The following TMEM132D variants were observed in gnomAD, a reference collection of about 807,000 sequenced individuals.
The protein encoded by TMEM132D is mature OL transmembrane protein.
A neutral mutation model predicts 62.3 loss-of-function variants in TMEM132D; 21 were observed. The ratio of observed to expected loss-of-function variants is 0.34; its 90% CI spans 0.24 to 0.49. The LOEUF (loss-of-function observed/expected upper bound fraction) is 0.49. TMEM132D is among the 20% of genes least tolerant of loss of function. The pLI, the probability that TMEM132D is intolerant of heterozygous loss-of-function variation, is 0.99. For synonymous variants in TMEM132D, 621 were observed against 575.6 expected, an observed-to-expected ratio of 1.08 and a Z score of -1.13; for missense variants, 1,346 against 1,402.8, an observed-to-expected ratio of 0.96 and a Z score of 0.65.
At chr12:129,512,637 C>T (rs1191024148) in intron 3 of TMEM132D, among the ~76,000 whole-genome samples, 1 of 152,166 alleles carries the variant, frequency 6.6e-6, no homozygotes, top group African/African-American at 2.4e-5. Context: ...TGATGTTGGC[C>T]AGGACCGTGA....
intron 2 of TMEM132D, among the ~76,000 whole-genome samples, chr12:129,542,423 C>T (rs549951765): frequency 8.3e-4 from 126 of 152,098 alleles, no homozygotes; most frequent in African/African-American, 2.9e-3. Flanking sequence ...GGTTAATAAA[C>T]GTAAATTCTC....
Position 129,759,893 on chromosome 12 carries a change from G to A in TMEM132D, c.80-59195C>T, listed in dbSNP as rs141857698. 4.7e-3 allele frequency among the ~76,000 whole-genome samples: 714 copies of A among 150,500 alleles called. 8 individuals carry two copies. The highest frequency in any genetic ancestry group is 0.016 in the African/African-American group (662 of 41,144). On this transcript the variant is annotated intron_variant, in intron 1 of 8. Coordinates refer to ENST00000422113, the MANE Select transcript of TMEM132D (RefSeq NM_133448.3). ...TAAATATTTGGTGGTGCTGTGGGCC[G>A]TGGATGCCTTCTTATTTGCCTTTTT...
At chr12:129,239,755 G>C (rs1879885265) in intron 4 of TMEM132D, among the ~76,000 whole-genome samples, 3 of 152,178 alleles carry the variant, frequency 2.0e-5, no homozygotes, top group Admixed American at 6.5e-5. Flanking sequence ...TCTTCCCCTA[G>C]AGTCTTAGGA....
rs539562704 is a variant in TMEM132D, at chr12:129,453,364, C to T, written c.1115+77695G>A. Among the ~76,000 whole-genome samples, 6 of 152,284 alleles carry T rather than the reference C, an allele frequency of 3.9e-5. No homozygotes were observed. In the South Asian group the frequency reaches 8.3e-4, roughly 21 times the overall value. ...TGTCTCTTTGCCTGGAATTCCCTCC[C>T]GCAGGGTCCCATCCTTTCTAAATCC... is the stretch of plus-strand genomic sequence containing the variant. On this transcript the variant is annotated intron_variant, in intron 3 of 8. Transcript: ENST00000422113.
At chr12:129,832,328 T>A (rs1005405169) in intron 1 of TMEM132D, among the ~76,000 whole-genome samples, 2 of 151,666 alleles carry the variant, frequency 1.3e-5, no homozygotes, top group East Asian at 3.9e-4. Flanking sequence ...AGAGGCCACA[T>A]GTGTTTTACA....
At chr12:129,509,514 G>A (rs1875436137) in intron 3 of TMEM132D, among the ~76,000 whole-genome samples, 1 of 152,056 alleles carries the variant, frequency 6.6e-6, no homozygotes, top group South Asian at 2.1e-4. Context: ...AAAATGTACA[G>A]ATAAGTTATT....
intron 1 of TMEM132D, among the ~76,000 whole-genome samples, chr12:129,881,009 T>C (rs1247364098): frequency 6.6e-6 from 1 of 151,906 alleles, no homozygotes; most frequent in East Asian, 1.9e-4. Flanking sequence ...CATTAACTAG[T>C]TAAAAATAAA....
At chr12:129,576,420 A>G (rs1017977325) in intron 2 of TMEM132D, among the ~76,000 whole-genome samples, 2 of 151,844 alleles carry the variant, frequency 1.3e-5, no homozygotes, top group African/African-American at 4.9e-5. Flanking sequence ...ATATGTATAT[A>G]TTTGTATATG....
intron 3 of TMEM132D, among the ~76,000 whole-genome samples, chr12:129,522,117 GTT>G (rs1490711802): frequency 2.6e-5 from 4 of 152,160 alleles, no homozygotes; most frequent in African/African-American, 7.2e-5. Context: ...ACTGATGTCA[GTT>G]AGTCACCAGG....
At chr12:129,560,954 G>A (rs1019485639) in intron 2 of TMEM132D, among the ~76,000 whole-genome samples, 2 of 152,202 alleles carry the variant, frequency 1.3e-5, no homozygotes, top group Non-Finnish European at 2.9e-5. Flanking sequence ...TGATGGAGAA[G>A]TATGAACTAC....
intron 2 of TMEM132D, among the ~76,000 whole-genome samples, chr12:129,536,228 C>T (rs1031126622): frequency 6.6e-6 from 1 of 152,166 alleles, no homozygotes; most frequent in Admixed American, 6.5e-5. Flanking sequence ...ATCTATGGAA[C>T]AATACACAGT....
intron 3 of TMEM132D, among the ~76,000 whole-genome samples, chr12:129,511,233 C>G (rs1191222346): frequency 6.6e-6 from 1 of 152,194 alleles, no homozygotes; most frequent in Non-Finnish European, 1.5e-5. Context: ...CCTTCTGTCA[C>G]TATTGATTGG....
chr12:129,464,355 T>C (rs1207501978), intron 3 of TMEM132D, among the ~76,000 whole-genome samples: 6 of 152,228 alleles, frequency 3.9e-5, no homozygotes, highest in African/African-American at 1.2e-4. Flanking sequence ...AAGTTCATTG[T>C]AGATTCTGGA....
chr12:129,863,309 T>C (rs1462190567), intron 1 of TMEM132D, among the ~76,000 whole-genome samples: 1 of 151,450 alleles, frequency 6.6e-6, no homozygotes, highest in Non-Finnish European at 1.5e-5. Flanking sequence ...GTTTTCCAGA[T>C]GCAAAACCAT....
At chr12:129,749,832 G>T (rs773229762) in intron 1 of TMEM132D, among the ~76,000 whole-genome samples, 1 of 152,056 alleles carries the variant, frequency 6.6e-6, no homozygotes, top group Non-Finnish European at 1.5e-5. Flanking sequence ...CCTGGCTCAC[G>T]GTACTTGTAC....
intron 1 of TMEM132D, among the ~76,000 whole-genome samples, chr12:129,771,474 A>G (rs370951167): frequency 3.3e-5 from 5 of 152,318 alleles, no homozygotes; most frequent in South Asian, 4.2e-4. Context: ...AAACACAGCA[A>G]TGGGTCTTAA....
At chr12:129,568,998 T>G (rs2137118104) in intron 2 of TMEM132D, among the ~76,000 whole-genome samples, 1 of 152,128 alleles carries the variant, frequency 6.6e-6, no homozygotes, top group African/African-American at 2.4e-5. Context: ...AGTTAGCAGG[T>G]TTGGGGTGAG....
intron 5 of TMEM132D, among the ~76,000 whole-genome samples, chr12:129,207,530 C>T (rs973407134): frequency 3.9e-5 from 6 of 151,914 alleles, no homozygotes; most frequent in Admixed American, 6.6e-5. Context: ...GAAGATGAGG[C>T]GAGGGAGCCG....
At chr12:129,076,289 G>C (rs1051638564) in intron 8 of TMEM132D, among the ~76,000 whole-genome samples, 76 of 152,368 alleles carry the variant, frequency 5.0e-4, no homozygotes, top group Non-Finnish European at 5.4e-4. Flanking sequence ...GTGAGAGAGA[G>C]AGTGGGCATG....
Sources: gnomAD v4.1 joint callset for allele counts (sites outside exome capture counted in the v4.1 genomes callset) on GRCh38, gnomAD v4.1.1 for gene constraint, MANE v1.5 for transcripts, NCBI Gene and HGNC (gene_info 2026-07-23, HGNC 2026-07-21) for gene names.